The following CHRM3 variants were observed in gnomAD, a reference collection of about 807,000 sequenced individuals.
The protein encoded by CHRM3 is cholinergic receptor muscarinic 3.
In CHRM3, 11 loss-of-function variants were observed where a neutral mutation model predicts 41.8. That is an observed-to-expected ratio of 0.26 (90% CI 0.17 to 0.44). The LOEUF is 0.44. Among genes scored for constraint, CHRM3 ranks in the 20% least tolerant of loss-of-function variants. CHRM3 has a pLI of 1.00. For synonymous variants in CHRM3, 297 were observed against 301.4 expected (o/e 0.99, Z 0.15); for missense variants, 571 against 745.4 (o/e 0.77, Z 2.72).
intron 3 of CHRM3, among the ~76,000 whole-genome samples, chr1:239,611,063 A>AT (rs1379062927): frequency 2.6e-5 from 4 of 151,806 alleles, no homozygotes; most frequent in East Asian, 3.9e-4. Context: ...AATAATAATA[A>AT]AAAAAAAGAA....
chr1:239,840,845 G>A (rs999936937), intron 6 of CHRM3, among the ~76,000 whole-genome samples: 22 of 152,100 alleles, frequency 1.4e-4, no homozygotes, highest in Admixed American at 5.9e-4. Context: ...AATGGTATTC[G>A]GAAAATTGAG....
At chr1:239,498,519 T>C (rs1796829) in intron 2 of CHRM3, among the ~76,000 whole-genome samples, 4,180 of 152,230 alleles carry the variant, frequency 0.027, 85 homozygotes, top group Non-Finnish European at 0.042. Flanking sequence ...TCAAGGGCAG[T>C]TGGATCTACA....
chr1:239,793,403 T>G (rs1669501585), intron 5 of CHRM3, among the ~76,000 whole-genome samples: 1 of 152,220 alleles, frequency 6.6e-6, no homozygotes, highest in African/African-American at 2.4e-5. Flanking sequence ...AACCATGCTT[T>G]GATTCTTTAT....
chr1:239,787,267 C>G (rs1390252835), intron 5 of CHRM3, among the ~76,000 whole-genome samples: 9 of 152,160 alleles, frequency 5.9e-5, no homozygotes, highest in Admixed American at 5.9e-4. Flanking sequence ...ATGTCTGGAA[C>G]TCAGAAGATG....
intron 2 of CHRM3, among the ~76,000 whole-genome samples, chr1:239,533,778 C>G: frequency 6.8e-6 from 1 of 146,938 alleles, no homozygotes; most frequent in Admixed American, 6.8e-5. Flanking sequence ...ACCATCAGAT[C>G]TTGTAAGAAC....
chr1:239,761,986 C>T (rs915556983), intron 5 of CHRM3, among the ~76,000 whole-genome samples: 3 of 152,172 alleles, frequency 2.0e-5, no homozygotes, highest in Admixed American at 6.5e-5. Context: ...GAAGCTCTCT[C>T]CCGGGAGTAG....
chr1:239,588,691 A>G (rs1367626323), intron 3 of CHRM3, among the ~76,000 whole-genome samples: 2 of 152,178 alleles, frequency 1.3e-5, no homozygotes, highest in Admixed American at 1.3e-4. Flanking sequence ...ATGCCACTAG[A>G]CCAGATGCAC....
At chr1:239,599,046 C>A (rs1665164131) in intron 3 of CHRM3, among the ~76,000 whole-genome samples, 1 of 152,158 alleles carries the variant, frequency 6.6e-6, no homozygotes, top group South Asian at 2.1e-4. Context: ...AGATCCCTCC[C>A]TTAATCCCAT....
chr1:239,867,741 G>T (rs1184211195), intron 6 of CHRM3, among the ~76,000 whole-genome samples: 1 of 150,586 alleles, frequency 6.6e-6, no homozygotes, highest in Non-Finnish European at 1.5e-5. Flanking sequence ...ACTTAACATC[G>T]TACCTAGAAA....
chr1:239,733,783 A>AAAAGAG (rs1264682126), intron 5 of CHRM3, among the ~76,000 whole-genome samples: 24 of 152,078 alleles, frequency 1.6e-4, no homozygotes, highest in African/African-American at 5.5e-4. Context: ...AAGAAAAAGA[A>AAAAGAG]AAGGAAGTAA....
intron 5 of CHRM3, among the ~76,000 whole-genome samples, chr1:239,761,551 A>T (rs2148657239): frequency 6.6e-6 from 1 of 152,316 alleles, no homozygotes; most frequent in South Asian, 2.1e-4. Flanking sequence ...AATTGGAAAC[A>T]GTTCAGTCTT....
chr1:239,645,212 T>A (rs1260708353), intron 4 of CHRM3, among the ~76,000 whole-genome samples: 1 of 152,230 alleles, frequency 6.6e-6, no homozygotes, highest in African/African-American at 2.4e-5. Context: ...CGCTCAGCTA[T>A]GGCTGCCTCT....
Position 239,705,168 on chromosome 1 carries a change from C to T in CHRM3, c.-147+26880C>T, listed in dbSNP as rs561054798. The T allele has an allele frequency of 8.5e-5, 13 of 152,320 alleles. No individual in the cohort carries two copies. In the East Asian group the frequency reaches 2.5e-3, roughly 29 times the overall value. 9.4% of individuals were successfully genotyped at this position (152,320 alleles called of 1,614,324 possible). ...GTTACAGTGAGCTATGATCATGACA[C>T]TGCACTCCAACCTGGGCAGCAGAGC... On this transcript the variant is annotated intron_variant, in intron 5 of 6. Coordinates refer to ENST00000676153, the MANE Select transcript of CHRM3 (RefSeq NM_001375978.1).
At chr1:239,852,748 C>T (rs1035985492) in intron 6 of CHRM3, among the ~76,000 whole-genome samples, 2 of 152,072 alleles carry the variant, frequency 1.3e-5, no homozygotes, top group Non-Finnish European at 2.9e-5. Flanking sequence ...ATAGTGCTGA[C>T]GTAGTTCATG....
At chr1:239,627,591 C>G (rs1669125119) in intron 3 of CHRM3, among the ~76,000 whole-genome samples, 1 of 133,368 alleles carries the variant, frequency 7.5e-6, no homozygotes, top group African/African-American at 3.0e-5. Flanking sequence ...CAGTTTCTTC[C>G]TAGTCTCGAT....
At chr1:239,407,417 T>TATATATATAGAGAGAGAGAGAGAG in intron 1 of CHRM3, among the ~76,000 whole-genome samples, 1 of 134,124 alleles carries the variant, frequency 7.5e-6, no homozygotes, top group Admixed American at 7.4e-5. Context: ...TATATATATA[T>TATATATATAGAGAGAGAGAGAGAG]AGAGAGAGAG....
chr1:239,498,494 G>T (rs1460342738), intron 2 of CHRM3, among the ~76,000 whole-genome samples: 2 of 152,126 alleles, frequency 1.3e-5, no homozygotes, highest in African/African-American at 4.8e-5. Context: ...TCGTGTGTGT[G>T]TAATCTAAGC....
intron 5 of CHRM3, among the ~76,000 whole-genome samples, chr1:239,820,582 A>C (rs145262645): frequency 6.6e-6 from 1 of 152,240 alleles, no homozygotes; most frequent in Non-Finnish European, 1.5e-5. Flanking sequence ...AGAGATGTTG[A>C]TGGGGGGAGA....
chr1:239,634,852 C>A (rs996210253), intron 4 of CHRM3, among the ~76,000 whole-genome samples: 1 of 152,158 alleles, frequency 6.6e-6, no homozygotes, highest in African/African-American at 2.4e-5. Flanking sequence ...AGGGGATAGC[C>A]TAGCAATTTT....
Sources: allele counts gnomAD v4.1 joint callset (sites outside exome capture counted in the v4.1 genomes callset), GRCh38; gene constraint gnomAD v4.1.1; transcripts MANE v1.5; gene names NCBI Gene and HGNC (gene_info 2026-07-23, HGNC 2026-07-21).